The following JAK2 variants were observed in gnomAD, a reference collection of about 807,000 sequenced individuals.
JAK2 encodes the protein tyrosine-protein kinase JAK2.
In JAK2, 86 loss-of-function variants were observed where a neutral mutation model predicts 139.3. The ratio of observed to expected loss-of-function variants is 0.62; its 90% CI spans 0.52 to 0.74. JAK2 has a LOEUF of 0.74. Among genes scored for constraint, JAK2 ranks in the 30% least tolerant of loss-of-function variants. The probability of loss-of-function intolerance (pLI) is 0.00; values close to 1 mark genes in which losing one functional copy is unlikely to be tolerated. For missense variants in JAK2, 1,421 were observed against 1,360.3 expected (o/e 1.04, Z -0.70); for synonymous variants, 490 against 437.7 (o/e 1.12, Z -1.49).
intron 2 of JAK2, among the ~76,000 whole-genome samples, chr9:5,001,997 T>C (rs1310430933): frequency 6.6e-6 from 1 of 152,026 alleles, no homozygotes; most frequent in Non-Finnish European, 1.5e-5. Flanking sequence ...ACTTACTGTT[T>C]ATAAAATCTG....
chr9:5,024,324 A>AT lies in JAK2; in HGVS notation c.226+2120dup, dbSNP rs201862372. On this transcript the variant is annotated intron_variant, in intron 3 of 24. Coordinates refer to ENST00000381652, the MANE Select transcript of JAK2 (RefSeq NM_004972.4). ...GTAAGATTTTGCTTTAGCTTGTAAG[A>AT]TTTTTTTTTGACAGATTTTATTGAA... Among the ~76,000 whole-genome samples, 235 of 151,824 alleles carry AT rather than the reference A, an allele frequency of 1.5e-3. 1 individual carries two copies. The highest frequency in any genetic ancestry group is 5.2e-3 in the East Asian group (27 of 5,172).
chr9:5,089,245 A>AAGAT (rs1820369336), intron 19 of JAK2, among the ~76,000 whole-genome samples: 9 of 152,300 alleles, frequency 5.9e-5, no homozygotes, highest in Admixed American at 3.9e-4. Flanking sequence ...TATAAGCTTA[A>AAGAT]AGATAGTCTG....
chr9:5,059,828 T>C (rs1324262359), intron 8 of JAK2, among the ~76,000 whole-genome samples: 1 of 152,222 alleles, frequency 6.6e-6, no homozygotes, highest in Non-Finnish European at 1.5e-5. Context: ...CACTTACTTA[T>C]TGTTCATCTG....
chr9:5,088,207 C>G (rs1288261966), intron 19 of JAK2, among the ~76,000 whole-genome samples: 2 of 152,154 alleles, frequency 1.3e-5, no homozygotes, highest in Non-Finnish European at 1.5e-5. Flanking sequence ...TAGTTCCAAT[C>G]TGACTTGAGA....
chr9:5,084,686 A>G (rs1819946878), intron 19 of JAK2, among the ~76,000 whole-genome samples: 3 of 152,052 alleles, frequency 2.0e-5, no homozygotes, highest in Admixed American at 6.5e-5. Flanking sequence ...TTCTTTTTTA[A>G]ATTAATTTTA....
intron 4 of JAK2, among the ~76,000 whole-genome samples, chr9:5,043,189 C>T (rs535685038): frequency 3.0e-4 from 46 of 152,308 alleles, no homozygotes; most frequent in Admixed American, 2.9e-3. Flanking sequence ...GGACTCCCAG[C>T]GGGTCAGCTT....
intron 22 of JAK2, among the ~76,000 whole-genome samples, chr9:5,095,187 C>A (rs1394466552): frequency 2.0e-5 from 3 of 152,038 alleles, no homozygotes; most frequent in Non-Finnish European, 2.9e-5. Flanking sequence ...GCTATTGGGC[C>A]CATTCTCCTG....
At chr9:5,065,974 C>G (rs752399909) in intron 9 of JAK2, among the ~76,000 whole-genome samples, 7 of 152,096 alleles carry the variant, frequency 4.6e-5, no homozygotes, top group Non-Finnish European at 1.0e-4. Flanking sequence ...CTGTAATTTA[C>G]ATGTTTAATA....
chr9:5,059,930 T>A (rs570830128), intron 8 of JAK2, among the ~76,000 whole-genome samples: 1 of 152,318 alleles, frequency 6.6e-6, no homozygotes, highest in East Asian at 1.9e-4. Context: ...CTCTATAGAT[T>A]CTAAGTCTTT....
At chr9:5,041,533 T>A (rs1816512275) in intron 4 of JAK2, 5 of 541,234 alleles carry the variant, frequency 9.2e-6, no homozygotes, top group Middle Eastern at 6.7e-4. Flanking sequence ...ATCGAAGTGC[T>A]CTGCGAGAAC....
intron 7 of JAK2, among the ~76,000 whole-genome samples, chr9:5,055,154 G>C (rs1817677404): frequency 6.6e-6 from 1 of 151,860 alleles, no homozygotes; most frequent in South Asian, 2.1e-4. Flanking sequence ...GATTTTAAAG[G>C]AGTTTTGCCT....
chr9:5,003,069 C>G (rs1037585821), intron 2 of JAK2, among the ~76,000 whole-genome samples: 1 of 151,920 alleles, frequency 6.6e-6, no homozygotes, highest in African/African-American at 2.4e-5. Context: ...TTTTTGGACT[C>G]TATTCTGTTC....
chr9:5,022,748 GA>G (rs1822510933), intron 3 of JAK2, among the ~76,000 whole-genome samples: 1 of 152,106 alleles, frequency 6.6e-6, no homozygotes, highest in Non-Finnish European at 1.5e-5. Flanking sequence ...GTGAACCAGA[GA>G]ACTCTTTCTA....
At chr9:5,005,394 C>T (rs1821231334) in intron 2 of JAK2, among the ~76,000 whole-genome samples, 1 of 151,982 alleles carries the variant, frequency 6.6e-6, no homozygotes, top group Non-Finnish European at 1.5e-5. Flanking sequence ...AAAATATTTT[C>T]TCCTGTTTTA....
In JAK2 at chr9:5,090,359, T is replaced by C. The variant is rs557834145; in HGVS notation, c.2762-87T>C. The C allele has an allele frequency of 1.0e-4, 99 of 969,976 alleles. 1 individual carries two copies. In the Admixed American group the frequency reaches 2.9e-3, roughly 28 times the overall value. The allele number at this position is 969,976 out of a possible 1,614,324, so 60.1% of individuals were successfully genotyped here. ...TTGTCATCTTAGATTTCATATATGT[T>C]TAAGTCATTTATGTATGATAGTTTT... On this transcript the variant is annotated intron_variant, in intron 20 of 24. Coordinates refer to ENST00000381652, the MANE Select transcript of JAK2 (RefSeq NM_004972.4).
In JAK2 at chr9:5,042,124, CT is replaced by C. The variant is rs71326152; in HGVS notation, c.351-2255del. 2.0e-3 allele frequency among the ~76,000 whole-genome samples: 212 copies of C among 107,612 alleles called. 1 individual carries two copies. The highest frequency in any genetic ancestry group is 0.01 in the Admixed American group (104 of 10,166). 70.6% of individuals were successfully genotyped at this position (107,612 alleles called of 152,430 possible). A position where few individuals can be genotyped will look rare whatever the true frequency, so the allele number is the denominator to read the frequency against. On this transcript the variant is annotated intron_variant, in intron 4 of 24. Coordinates refer to ENST00000381652, the MANE Select transcript of JAK2 (RefSeq NM_004972.4). ...CTTCACGTAAGACTGGCCAAAATTTCTTTTTTTTTTTTTTTTTTTTTTTTGA... is the reference window on the plus strand; with the variant it reads ...CTTCACGTAAGACTGGCCAAAATTTCTTTTTTTTTTTTTTTTTTTTTTTGA...
chr9:5,022,222 T>TA lies in JAK2; in HGVS notation c.226+15dup, dbSNP rs899674385. The TA allele has an allele frequency of 1.3e-6, 2 of 1,594,168 alleles. No homozygotes were observed. Among genetic ancestry groups the TA allele is most frequent in the Non-Finnish European group, 8.6e-7 (1 of 1,162,484 alleles). On this transcript the variant is annotated intron_variant, in intron 3 of 24. Transcript: ENST00000381652. ...TGCTTCTAAAGCTTGTGGTAAGTAT[T>TA]AAAAAACAGCATTTTCCTTTTTATG...
chr9:5,042,169 C>A (rs529960997), intron 4 of JAK2, among the ~76,000 whole-genome samples: 1 of 127,914 alleles, frequency 7.8e-6, no homozygotes, highest in African/African-American at 3.0e-5. Context: ...CTCGCTTTGT[C>A]GCCCAGGCCG....
chr9:5,078,884 A>C (rs780275537), intron 16 of JAK2, among the ~76,000 whole-genome samples: 2 of 152,192 alleles, frequency 1.3e-5, no homozygotes, highest in Non-Finnish European at 2.9e-5. Context: ...CCTTAAAAAA[A>C]CTTTGATTTG....
Sources: allele counts gnomAD v4.1 joint callset (sites outside exome capture counted in the v4.1 genomes callset), GRCh38; gene constraint gnomAD v4.1.1; transcripts MANE v1.5; gene names NCBI Gene and HGNC (gene_info 2026-07-23, HGNC 2026-07-21).